PDLIM1: variants seen among roughly 807,000 people sequenced by gnomAD.
The protein encoded by PDLIM1 is PDZ and LIM domain 1.
A neutral mutation model predicts 35.2 loss-of-function variants in PDLIM1; 25 were observed. The ratio of observed to expected loss-of-function variants is 0.71; its 90% confidence interval spans 0.52 to 0.99. The LOEUF is 0.99. Ranked by LOEUF, PDLIM1 falls within the 50% of genes least tolerant of loss-of-function variation. The pLI is 0.00. For synonymous variants in PDLIM1, 152 were observed against 154.0 expected, an observed-to-expected ratio of 0.99 and a Z score of 0.10; for missense variants, 363 against 415.3, an observed-to-expected ratio of 0.87 and a Z score of 1.09.
At chr10:95,257,982 TA>T (rs1426811630) in intron 4 of PDLIM1, among the ~76,000 whole-genome samples, 1 of 152,228 alleles carries the variant, frequency 6.6e-6, no homozygotes, top group Non-Finnish European at 1.5e-5. Context: ...GAAAGAGGTT[TA>T]ATTGGACTTA....
intron 5 of PDLIM1, among the ~76,000 whole-genome samples, chr10:95,241,093 G>C (rs1414705453): frequency 2.6e-5 from 4 of 152,302 alleles, no homozygotes; most frequent in Admixed American, 2.0e-4. Flanking sequence ...GATGAAGAGA[G>C]GGTCACCCCA....
rs2035644797 is a variant in PDLIM1, at chr10:95,290,630, G to A, written c.96+190C>T. Among the ~76,000 whole-genome samples, 1 of 151,772 alleles carries A rather than the reference G, an allele frequency of 6.6e-6. No individual in the cohort carries two copies. The highest frequency in any genetic ancestry group is 1.5e-5 in the Non-Finnish European group (1 of 67,880). On this transcript the variant is annotated intron_variant, in intron 1 of 6. Coordinates refer to ENST00000329399, the MANE Select transcript of PDLIM1 (RefSeq NM_020992.4). The surrounding 1 kb of genome is among the most constrained non-coding windows in gnomAD (Gnocchi z 4.7). ...CCGCGGCGGGCCGACCAGCCCGGGA[G>A]CGCAGCCTCCGCGAAGGGGCGGCGG... is the stretch of plus-strand genomic sequence containing the variant.
At chr10:95,253,427 G>A (rs2035284605) in intron 4 of PDLIM1, among the ~76,000 whole-genome samples, 1 of 152,168 alleles carries the variant, frequency 6.6e-6, no homozygotes, top group Admixed American at 6.5e-5. Context: ...AGCCAGGCAT[G>A]GTGGCTCACC....
intron 1 of PDLIM1, among the ~76,000 whole-genome samples, chr10:95,280,927 A>T (rs1299559798): frequency 6.6e-6 from 1 of 152,200 alleles, no homozygotes. Context: ...CCATGGGGGC[A>T]GGGATTCAAA....
At chr10:95,260,121 C>T (rs571371645) in intron 4 of PDLIM1, among the ~76,000 whole-genome samples, 4 of 152,232 alleles carry the variant, frequency 2.6e-5, no homozygotes, top group Non-Finnish European at 5.9e-5. Flanking sequence ...CTACCAGGGG[C>T]CAGGCACTGT....
chr10:95,276,033 T>C (rs777283248), intron 1 of PDLIM1, among the ~76,000 whole-genome samples: 17 of 152,142 alleles, frequency 1.1e-4, no homozygotes, highest in Non-Finnish European at 2.2e-4. Context: ...GGGGAAAAAA[T>C]TGATTTAAAC....
intron 5 of PDLIM1, among the ~76,000 whole-genome samples, chr10:95,241,111 A>C (rs1311867201): frequency 6.6e-6 from 1 of 152,204 alleles, no homozygotes; most frequent in Non-Finnish European, 1.5e-5. Flanking sequence ...CCATGACTGC[A>C]GTCACGTCGG....
intron 1 of PDLIM1, among the ~76,000 whole-genome samples, chr10:95,273,768 A>G (rs1429818345): frequency 2.0e-5 from 3 of 152,180 alleles, no homozygotes; most frequent in South Asian, 2.1e-4. Flanking sequence ...TCAGTCAACA[A>G]TGAGAGTTAG....
At chr10:95,266,791 C>A (rs1318628564) in intron 3 of PDLIM1, among the ~76,000 whole-genome samples, 1 of 152,196 alleles carries the variant, frequency 6.6e-6, no homozygotes, top group African/African-American at 2.4e-5. Flanking sequence ...AAAGGAATAT[C>A]TCTACCCTCA....
intron 3 of PDLIM1, among the ~76,000 whole-genome samples, chr10:95,267,696 C>T (rs1454642344): frequency 2.0e-5 from 3 of 152,148 alleles, no homozygotes; most frequent in Middle Eastern, 3.2e-3. Flanking sequence ...ACCCAATTAA[C>T]ACACACTAAT....
In PDLIM1 at chr10:95,272,580, C is replaced by T. The variant is rs45528933; in HGVS notation, c.97-796G>A. 2.6e-5 allele frequency among the ~76,000 whole-genome samples: 4 copies of T among 152,188 alleles called. No individual in the cohort carries two copies. The East Asian group carries it at 7.7e-4, about 29-fold the overall frequency. On this transcript the variant is annotated intron_variant, in intron 1 of 6. Coordinates refer to ENST00000329399, the MANE Select transcript of PDLIM1 (RefSeq NM_020992.4). ...TCAGGAGGCTGAGGCAGGAGGATCACTTGAACCCAGAAGGTGGAGGTTGCA... is the reference window on the plus strand; with the variant it reads ...TCAGGAGGCTGAGGCAGGAGGATCATTTGAACCCAGAAGGTGGAGGTTGCA...
Position 95,247,205 on chromosome 10 carries a change from A to T in PDLIM1, c.685+10T>A. The T allele has an allele frequency of 6.2e-7, 1 of 1,605,926 alleles. No individual in the cohort carries two copies. Among genetic ancestry groups the T allele is most frequent in the Non-Finnish European group, 8.5e-7 (1 of 1,174,634 alleles). On this transcript the variant is annotated intron_variant, in intron 5 of 6. Coordinates refer to ENST00000329399, the MANE Select transcript of PDLIM1 (RefSeq NM_020992.4). ...AACAAGAGCCTCTGACTGCAGATGG[A>T]GCTGATTACCTTTTTCTTCAGACTC...
At chr10:95,271,526 G>T in intron 2 of PDLIM1, 107 bp downstream of exon 2, 1 of 856,334 alleles carries the variant, frequency 1.2e-6, no homozygotes, top group Non-Finnish European at 1.8e-6. Flanking sequence ...TATATACATG[G>T]CACTGAGCTA....
chr10:95,241,610 G>A (rs2035179126), intron 5 of PDLIM1, among the ~76,000 whole-genome samples: 1 of 152,164 alleles, frequency 6.6e-6, no homozygotes, highest in South Asian at 2.1e-4. Flanking sequence ...AATGTCAATA[G>A]CACCAAGGCT....
chr10:95,241,077 TGA>T (rs34209059), intron 5 of PDLIM1, among the ~76,000 whole-genome samples: 45,985 of 151,832 alleles, frequency 0.3, 7,830 homozygotes, highest in South Asian at 0.39. Context: ...CTGTGCCAGG[TGA>T]GGGGATGAAG....
At chr10:95,274,828 C>T (rs2035497605) in intron 1 of PDLIM1, among the ~76,000 whole-genome samples, 1 of 152,186 alleles carries the variant, frequency 6.6e-6, no homozygotes, top group Non-Finnish European at 1.5e-5. Context: ...CCTTTAACCT[C>T]CAAACTGTCT....
intron 2 of PDLIM1, among the ~76,000 whole-genome samples, chr10:95,271,126 C>A (rs1482177987): frequency 6.6e-6 from 1 of 151,784 alleles, no homozygotes; most frequent in Non-Finnish European, 1.5e-5. Flanking sequence ...AAGAAGCCCA[C>A]ATCATAAGCA....
intron 4 of PDLIM1, among the ~76,000 whole-genome samples, chr10:95,260,023 A>G (rs973974494): frequency 2.0e-5 from 3 of 152,218 alleles, no homozygotes; most frequent in African/African-American, 7.2e-5. Flanking sequence ...GTGCTTCCAC[A>G]CTTCTGTAGC....
intron 4 of PDLIM1, among the ~76,000 whole-genome samples, chr10:95,261,315 C>A (rs541290933): frequency 2.0e-5 from 3 of 152,282 alleles, no homozygotes; most frequent in African/African-American, 7.2e-5. Flanking sequence ...GTTACTAAGT[C>A]CAGATCATGG....
Sources: gnomAD v4.1 joint callset for allele counts (sites outside exome capture counted in the v4.1 genomes callset) on GRCh38, gnomAD v4.1.1 for gene constraint, Gnocchi (gnomAD v3.1) non-coding constraint, MANE v1.5 for transcripts, NCBI Gene and HGNC (gene_info 2026-07-23, HGNC 2026-07-21) for gene names.